Variants in CAPN2 observed in about 807,000 individuals in gnomAD.
The protein encoded by CAPN2 is calpain 2, also known as calpain-2 catalytic subunit.
CAPN2 carries 92 observed loss-of-function variants against 102.3 expected under a neutral mutation model. The observed-to-expected ratio is 0.90, with a 90% CI of 0.76 to 1.07. The LOEUF is 1.07. Among genes scored for constraint, CAPN2 ranks in the 50% least tolerant of loss-of-function variants. CAPN2 has a pLI of 0.00. For synonymous variants in CAPN2, 340 were observed against 355.4 expected (o/e 0.96, Z 0.49); for missense variants, 800 against 909.4 (o/e 0.88, Z 1.55).
chr1:223,751,120 A>G (rs1660879323), intron 7 of CAPN2, 145 bp downstream of exon 7: 2 of 726,200 alleles, frequency 2.8e-6, no homozygotes, highest in South Asian at 3.5e-5. Flanking sequence ...GGACCCGTGG[A>G]CAGGGGCCCC....
At chr1:223,746,047 CCCA>C (rs1553254717) in intron 4 of CAPN2, among the ~76,000 whole-genome samples, 1 of 152,182 alleles carries the variant, frequency 6.6e-6, no homozygotes, top group Non-Finnish European at 1.5e-5. Context: ...AGTAAGAAGC[CCCA>C]CACCAGCCCC....
chr1:223,730,025 A>C (rs1237426496), intron 2 of CAPN2, among the ~76,000 whole-genome samples: 4 of 151,400 alleles, frequency 2.6e-5, no homozygotes, highest in South Asian at 2.1e-4. Flanking sequence ...AAAAAAAAAA[A>C]AAAAAAAAAA....
intron 12 of CAPN2, among the ~76,000 whole-genome samples, chr1:223,760,307 G>C (rs1661154277): frequency 6.6e-6 from 1 of 152,064 alleles, no homozygotes; most frequent in Non-Finnish European, 1.5e-5. Context: ...GAGTGTGTCT[G>C]AGGTGCTGGG....
At chr1:223,706,201 CCTT>C (rs1336966817) in intron 1 of CAPN2, among the ~76,000 whole-genome samples, 2 of 152,136 alleles carry the variant, frequency 1.3e-5, no homozygotes, top group African/African-American at 2.4e-5. Context: ...TTCCCTCTCT[CCTT>C]CTACTGTCAG....
At chr1:223,711,984 G>A (rs1371119618), upstream of CAPN2, among the ~76,000 whole-genome samples, 2 of 152,142 alleles carry the variant, frequency 1.3e-5, no homozygotes, top group African/African-American at 2.4e-5. Flanking sequence ...ATAGGCCTCC[G>A]GTGGCTTAGA....
intron 1 of CAPN2, among the ~76,000 whole-genome samples, chr1:223,715,038 G>A (rs1187058433): frequency 6.6e-6 from 1 of 152,210 alleles, no homozygotes. Flanking sequence ...GAGTCAAGTG[G>A]ATATAGGGCA....
chr1:223,750,646 G>A (rs767009782), intron 6 of CAPN2, among the ~76,000 whole-genome samples: 2 of 152,194 alleles, frequency 1.3e-5, no homozygotes, highest in Admixed American at 6.5e-5. Flanking sequence ...CCCCATCCTC[G>A]AGAGCCGGAT....
rs970217008 is a variant in CAPN2 at position 223,770,602 on chromosome 1, T to G, written c.1903+77T>G. 6 of 938,380 alleles carry G rather than the reference T, an allele frequency of 6.4e-6. No individual in the cohort carries two copies. The Admixed American group carries it at 1.0e-4, about 16-fold the overall frequency. The allele number at this position is 938,380 out of a possible 1,614,324, so 58.1% of individuals were successfully genotyped here. A position where few individuals can be genotyped will look rare whatever the true frequency, so the allele number is the denominator to read the frequency against. On this transcript the variant is annotated intron_variant, in intron 18 of 20. Coordinates refer to ENST00000295006, the MANE Select transcript of CAPN2 (RefSeq NM_001748.5). ...ATGTGAACACTCATCTTATACCATATAACACAAGATTTGGTAAAGCTATAA... is the reference window on the plus strand; with the variant it reads ...ATGTGAACACTCATCTTATACCATAGAACACAAGATTTGGTAAAGCTATAA...
chr1:223,706,130 A>G (rs1659600124), intron 1 of CAPN2, among the ~76,000 whole-genome samples: 1 of 152,202 alleles, frequency 6.6e-6, no homozygotes, highest in Non-Finnish European at 1.5e-5. Context: ...AAGCTCCAAC[A>G]GACTGGGGAA....
intron 13 of CAPN2, 61 bp from the exon 14 acceptor site, chr1:223,762,125 G>A (rs28370130): frequency 0.075 from 107,542 of 1,435,582 alleles, 4,494 homozygotes; most frequent in Admixed American, 0.091. Flanking sequence ...GGAAGGGCGG[G>A]CAGACACTTG....
In CAPN2 at chr1:223,745,422, G is replaced by A. The variant is rs370792781; in HGVS notation, c.543G>A (p.Leu181=). The A allele has an allele frequency of 1.8e-5, 29 of 1,614,118 alleles. No individual in the cohort carries two copies. Among genetic ancestry groups the A allele is most frequent in the Non-Finnish European group, 2.4e-5 (28 of 1,180,050 alleles). The part of the protein sequence containing the change: ...AEGSEFWSAL[L]EKAYAKINGC... Reference sequence around the variant, plus strand: ...GGAGCGAGTTCTGGAGCGCCCTGCTGGAGAAGGCATACGCCAAGTAAGTTG... The same window carrying A: ...GGAGCGAGTTCTGGAGCGCCCTGCTAGAGAAGGCATACGCCAAGTAAGTTG... Residue 181 remains leucine, a synonymous_variant, in exon 4 of 21, where the codon CTG becomes CTA. Coordinates refer to ENST00000295006, the MANE Select transcript of CAPN2 (RefSeq NM_001748.5).
Position 223,759,390 on chromosome 1 carries a change from GGA to G in CAPN2, c.1442_1443del (p.Glu481ValfsTer23), listed in dbSNP as rs1362594618. On this transcript the variant is annotated frameshift_variant, in exon 12 of 21. Coordinates refer to ENST00000295006, the MANE Select transcript of CAPN2 (RefSeq NM_001748.5). LOFTEE classifies it high-confidence loss of function. The surrounding 1 kb of genome is among the most constrained non-coding windows in gnomAD (Gnocchi z 4.6). ...EVLNRFKLPP[G>X]EYILVPSTFE... is the part of the protein sequence containing the mutation. ...GCTCAACCGCTTCAAGCTGCCGCCA[GGA>G]GAGTACATTCTCGTGCCTTCCACCT... 5 of 1,614,206 alleles carry G rather than the reference GGA, an allele frequency of 3.1e-6. No individual in the cohort carries two copies. In the East Asian group the frequency reaches 6.7e-5, roughly 22 times the overall value.
At chr1:223,745,066 G>A (rs1307013550) in intron 3 of CAPN2, among the ~76,000 whole-genome samples, 1 of 151,614 alleles carries the variant, frequency 6.6e-6, no homozygotes, top group Non-Finnish European at 1.5e-5. Flanking sequence ...ACAGCCTAAG[G>A]TACAGGGCAG....
upstream of CAPN2, among the ~76,000 whole-genome samples, chr1:223,707,812 G>T (rs1271248012): frequency 6.6e-6 from 1 of 152,154 alleles, no homozygotes; most frequent in Non-Finnish European, 1.5e-5. Flanking sequence ...TGGAATGATA[G>T]GTCTGATCTG....
At chr1:223,734,359 C>T (rs915120550) in intron 2 of CAPN2, among the ~76,000 whole-genome samples, 4 of 152,102 alleles carry the variant, frequency 2.6e-5, no homozygotes, top group Admixed American at 2.0e-4. Flanking sequence ...TGTCACAGCT[C>T]ACTGCAAACT....
At chr1:223,704,356 A>T (rs982185298) in intron 1 of CAPN2, among the ~76,000 whole-genome samples, 1 of 152,214 alleles carries the variant, frequency 6.6e-6, no homozygotes, top group Non-Finnish European at 1.5e-5. Context: ...AGATTCTTTC[A>T]TATGAATCTC....
At chr1:223,720,661 C>T (rs1660027918) in intron 2 of CAPN2, among the ~76,000 whole-genome samples, 1 of 152,120 alleles carries the variant, frequency 6.6e-6, no homozygotes, top group African/African-American at 2.4e-5. Context: ...TAACAGTACC[C>T]ATCACCTGCA....
intron 2 of CAPN2, among the ~76,000 whole-genome samples, chr1:223,723,284 G>A (rs973562698): frequency 6.6e-6 from 1 of 152,118 alleles, no homozygotes; most frequent in Non-Finnish European, 1.5e-5. Context: ...CCTGGTTCTG[G>A]AGCCACTGCA....
chr1:223,753,015 C>T lies in CAPN2; in HGVS notation c.1135+59C>T. ...GCGGGGCCACCAAAGGCCAAAGCTC[C>T]CCTTACCCCACCCTGTGTACCACAC... On this transcript the variant is annotated intron_variant, in intron 9 of 20. Coordinates refer to ENST00000295006, the MANE Select transcript of CAPN2 (RefSeq NM_001748.5). 6 of 1,537,432 alleles carry T rather than the reference C, an allele frequency of 3.9e-6. No individual in the cohort carries two copies. In the South Asian group the frequency reaches 7.0e-5, roughly 18 times the overall value.
Sources: allele counts gnomAD v4.1 joint callset (sites outside exome capture counted in the v4.1 genomes callset), GRCh38; gene constraint gnomAD v4.1.1; non-coding constraint Gnocchi (gnomAD v3.1); transcripts MANE v1.5; gene names NCBI Gene and HGNC (gene_info 2026-07-23, HGNC 2026-07-21).